THRB: variants seen among roughly 807,000 people sequenced by gnomAD.
THRB encodes thyroid hormone receptor beta.
A neutral mutation model predicts 47.8 loss-of-function variants in THRB; 12 were observed. That is an observed-to-expected ratio of 0.25 (90% CI 0.16 to 0.41). The LOEUF (loss-of-function observed/expected upper bound fraction) is 0.41. Ranked by LOEUF, THRB falls within the 10% of genes least tolerant of loss-of-function variation. THRB has a pLI of 1.00. For missense variants in THRB, 348 were observed against 589.2 expected (o/e 0.59, Z 4.24); for synonymous variants, 218 against 212.2 (o/e 1.03, Z -0.24).
chr3:24,209,613 G>A (rs1161036684), intron 4 of THRB, among the ~76,000 whole-genome samples: 2 of 152,090 alleles, frequency 1.3e-5, no homozygotes, highest in Non-Finnish European at 2.9e-5. Context: ...CTCAAAGGTG[G>A]GAATTGAACA....
chr3:24,190,721 C>A (rs1018955936), intron 4 of THRB, among the ~76,000 whole-genome samples: 1 of 151,732 alleles, frequency 6.6e-6, no homozygotes, highest in Non-Finnish European at 1.5e-5. Context: ...CTTTTCAGAT[C>A]CTTAGGACAT....
chr3:24,372,689 A>G (rs780317389), intron 1 of THRB, among the ~76,000 whole-genome samples: 75 of 152,084 alleles, frequency 4.9e-4, no homozygotes, highest in Non-Finnish European at 1.0e-3. Context: ...AGGTTTTTCC[A>G]TGCTTCTCTA....
At chr3:24,233,595 G>GAAAGAAAGAAAGAA (rs1553658451) in intron 3 of THRB, among the ~76,000 whole-genome samples, 1 of 143,854 alleles carries the variant, frequency 7.0e-6, no homozygotes, top group Non-Finnish European at 1.5e-5. Context: ...AAGAAAGAAA[G>GAAAGAAAGAAAGAA]AAAGAAAGAA....
At chr3:24,313,777 G>A (rs781597362) in intron 2 of THRB, among the ~76,000 whole-genome samples, 14 of 150,462 alleles carry the variant, frequency 9.3e-5, no homozygotes, top group Non-Finnish European at 1.9e-4. Context: ...TCACAGTTTG[G>A]TTCAAAGGCT....
chr3:24,265,902 GCA>G (rs1196211191), intron 3 of THRB, among the ~76,000 whole-genome samples: 3 of 152,110 alleles, frequency 2.0e-5, no homozygotes, highest in Non-Finnish European at 4.4e-5. Context: ...TAAGAACTAT[GCA>G]CAGATAAGCA....
At chr3:24,142,736 C>T (rs963175085) in intron 8 of THRB, among the ~76,000 whole-genome samples, 2 of 152,164 alleles carry the variant, frequency 1.3e-5, no homozygotes, top group Non-Finnish European at 2.9e-5. Context: ...ACCAGAAGAC[C>T]GAGTTGGTTT....
At chr3:24,152,968 AAAAAAGAAAGAAAGAAAGAAAG>A (rs1372133754) in intron 5 of THRB, among the ~76,000 whole-genome samples, 5 of 97,940 alleles carry the variant, frequency 5.1e-5, no homozygotes, top group Admixed American at 4.0e-4. Context: ...GCCAAAAAAA[AAAAAAGAAAGAAAGAAAGAAAG>A]AAAGAAAGAA....
chr3:24,358,063 A>G (rs1325372083), intron 1 of THRB, among the ~76,000 whole-genome samples: 3 of 152,188 alleles, frequency 2.0e-5, no homozygotes, highest in African/African-American at 7.2e-5. Context: ...CTTAGCCCAG[A>G]GAACAGTGAC....
At chr3:24,166,481 C>T (rs1030329625) in intron 5 of THRB, among the ~76,000 whole-genome samples, 4 of 152,168 alleles carry the variant, frequency 2.6e-5, no homozygotes, top group Admixed American at 2.6e-4. Flanking sequence ...AAAAAGGGAA[C>T]AGCATTTTCT....
intron 3 of THRB, among the ~76,000 whole-genome samples, chr3:24,256,990 A>G (rs1222792502): frequency 6.6e-6 from 1 of 152,058 alleles, no homozygotes; most frequent in Non-Finnish European, 1.5e-5. Flanking sequence ...CAGGACTGGC[A>G]AAAGCCCTTT....
chr3:24,133,292 C>T, intron 9 of THRB, 24 bp downstream of exon 9: 1 of 1,613,212 alleles, frequency 6.2e-7, no homozygotes, highest in Non-Finnish European at 8.5e-7. Context: ...AAGAATAATG[C>T]AGAAGGAAAA....
At chr3:24,165,043 C>T (rs2039450955) in intron 5 of THRB, 2 of 751,108 alleles carry the variant, frequency 2.7e-6, no homozygotes, top group African/African-American at 1.7e-5. Flanking sequence ...TTTGAGAATA[C>T]GATGGCGACT....
chr3:24,395,421 T>C (rs1391639661), intron 1 of THRB, among the ~76,000 whole-genome samples: 2 of 152,030 alleles, frequency 1.3e-5, no homozygotes. Flanking sequence ...AACTCAATAA[T>C]GATAAAACGA....
At chr3:24,384,719 A>G (rs894608464) in intron 1 of THRB, among the ~76,000 whole-genome samples, 2 of 152,152 alleles carry the variant, frequency 1.3e-5, no homozygotes, top group African/African-American at 4.8e-5. Flanking sequence ...AGTCAAGATT[A>G]CTTCTTAGTA....
chr3:24,162,051 G>A (rs913515283), intron 5 of THRB, among the ~76,000 whole-genome samples: 6 of 152,064 alleles, frequency 3.9e-5, no homozygotes, highest in African/African-American at 1.4e-4. Context: ...AGACTAAATC[G>A]AGAGGTTGAC....
chr3:24,169,856 C>G (rs1012350858), intron 5 of THRB, among the ~76,000 whole-genome samples: 8 of 151,918 alleles, frequency 5.3e-5, no homozygotes, highest in African/African-American at 1.9e-4. Flanking sequence ...TACATATTGC[C>G]TGTGGCTGCT....
intron 3 of THRB, among the ~76,000 whole-genome samples, chr3:24,260,684 C>T (rs141060665): frequency 5.4e-4 from 82 of 152,270 alleles, no homozygotes; most frequent in Non-Finnish European, 1.1e-3. Context: ...ACTGACTCTT[C>T]CATTCTCCTA....
intron 1 of THRB, among the ~76,000 whole-genome samples, chr3:24,402,165 C>T (rs1006686422): frequency 6.6e-6 from 1 of 152,076 alleles, no homozygotes; most frequent in Non-Finnish European, 1.5e-5. Context: ...TTGGCCGACA[C>T]AAGGAGAGGC....
chr3:24,362,216 T>C (rs56976952), intron 1 of THRB, among the ~76,000 whole-genome samples: 18,143 of 152,084 alleles, frequency 0.12, 2,877 homozygotes, highest in African/African-American at 0.37. Context: ...CGAAGTCCCT[T>C]TCACAGTCTG....
Sources: gnomAD v4.1 joint callset for allele counts (sites outside exome capture counted in the v4.1 genomes callset) on GRCh38, gnomAD v4.1.1 for gene constraint, MANE v1.5 for transcripts, NCBI Gene and HGNC (gene_info 2026-07-23, HGNC 2026-07-21) for gene names.